The following CNTN3 variants were observed in gnomAD, a reference collection of about 807,000 sequenced individuals.
The protein encoded by CNTN3 is contactin 3.
Under a neutral mutation model 119.1 loss-of-function variants are expected in CNTN3, and 60 were observed. That is an observed-to-expected ratio of 0.50 (90% confidence interval 0.41 to 0.62). CNTN3 has a LOEUF of 0.62. Among genes scored for constraint, CNTN3 ranks in the 20% least tolerant of loss-of-function variants. The pLI is 0.00. For synonymous variants in CNTN3, 450 were observed against 438.7 expected (o/e 1.03, Z -0.32); for missense variants, 1,101 against 1,242.4 (o/e 0.89, Z 1.71).
At chr3:74,479,091 A>C (rs1702712514) in intron 4 of CNTN3, among the ~76,000 whole-genome samples, 1 of 152,070 alleles carries the variant, frequency 6.6e-6, no homozygotes, top group South Asian at 2.1e-4. Flanking sequence ...TGGGGGAGGG[A>C]GGAAGGGTTG....
At chr3:74,299,730 CCAG>C in intron 17 of CNTN3, 135 bp downstream of exon 17, 42 of 575,956 alleles carry the variant, frequency 7.3e-5, no homozygotes, top group Non-Finnish European at 9.3e-5. Context: ...TATATTACCA[CCAG>C]CAGCAGCAGC....
At chr3:74,310,959 C>A (rs573661524) in intron 13 of CNTN3, among the ~76,000 whole-genome samples, 1 of 152,154 alleles carries the variant, frequency 6.6e-6, no homozygotes, top group Non-Finnish European at 1.5e-5. Flanking sequence ...TCTTGGGATC[C>A]TCTTACAAGA....
intron 1 of CNTN3, among the ~76,000 whole-genome samples, chr3:74,523,801 G>A (rs1223266355): frequency 6.6e-6 from 1 of 151,778 alleles, no homozygotes; most frequent in Non-Finnish European, 1.5e-5. Context: ...ATTGTAATGG[G>A]AAAAGAGAAT....
chr3:74,521,251 AAG>A (rs1703538710), intron 1 of CNTN3, 59 bp from the exon 2 acceptor site: 1 of 436,560 alleles, frequency 2.3e-6, no homozygotes, highest in Admixed American at 4.4e-5. Flanking sequence ...TGCTTTAAAA[AAG>A]AGATTTTCTT....
At chr3:74,265,588 C>G (rs548039116) in intron 22 of CNTN3, among the ~76,000 whole-genome samples, 1 of 152,010 alleles carries the variant, frequency 6.6e-6, no homozygotes, top group Admixed American at 6.6e-5. Context: ...CTTAGTGTAG[C>G]TTTGTTTGTT....
intron 1 of CNTN3, among the ~76,000 whole-genome samples, chr3:74,603,865 T>TC (rs1482256312): frequency 6.6e-6 from 1 of 151,708 alleles, no homozygotes; most frequent in Non-Finnish European, 1.5e-5. Flanking sequence ...ACCAAAGCAA[T>TC]CTTGAGCAAA....
intron 4 of CNTN3, among the ~76,000 whole-genome samples, chr3:74,454,516 A>C (rs1702228559): frequency 6.6e-6 from 1 of 151,706 alleles, no homozygotes; most frequent in Non-Finnish European, 1.5e-5. Flanking sequence ...TTTACTTTTA[A>C]AGTTAATATT....
chr3:74,499,545 C>T (rs1360158434), intron 3 of CNTN3, 114 bp downstream of exon 3: 3 of 882,568 alleles, frequency 3.4e-6, no homozygotes, highest in Admixed American at 2.9e-5. Flanking sequence ...ACTATAGCTT[C>T]ACGTATTTTT....
At chr3:74,471,302 A>G (rs1702557422) in intron 4 of CNTN3, among the ~76,000 whole-genome samples, 2 of 152,134 alleles carry the variant, frequency 1.3e-5, no homozygotes, top group African/African-American at 4.8e-5. Context: ...ATGTAACAAT[A>G]CTGCATGTTC....
intron 1 of CNTN3, among the ~76,000 whole-genome samples, chr3:74,599,827 A>G (rs1007993595): frequency 7.2e-5 from 11 of 152,108 alleles, no homozygotes; most frequent in South Asian, 2.1e-4. Context: ...ATGACTCCCA[A>G]TGATTTCTCA....
intron 13 of CNTN3, among the ~76,000 whole-genome samples, chr3:74,315,216 G>A (rs13093384): frequency 0.21 from 31,197 of 152,174 alleles, 4,191 homozygotes; most frequent in Non-Finnish European, 0.3. Flanking sequence ...CCTAAGTTCT[G>A]AGGAGTTGCT....
At chr3:74,571,459 T>C (rs1185179322) in intron 1 of CNTN3, among the ~76,000 whole-genome samples, 1 of 152,122 alleles carries the variant, frequency 6.6e-6, no homozygotes, top group Non-Finnish European at 1.5e-5. Flanking sequence ...CTACCCCTCA[T>C]TGATTGTGGA....
rs868181687 is a variant in CNTN3, at chr3:74,371,298, C to T, written c.556G>A (p.Val186Met). The change falls in exon 6 of 23, where the codon GTG becomes ATG. Residue 186 changes from valine (V) to methionine (M), a missense_variant. Coordinates refer to ENST00000263665, the MANE Select transcript of CNTN3 (RefSeq NM_020872.3). ...TAATTTCCCACATCAGACGGCTCCA[C>T]CTTAGATATGTAGAGGTGCCCTGTC... ...QETGHLYISKVEPSDVGNYTC... is the reference protein window; with the variant it reads ...QETGHLYISKMEPSDVGNYTC... 1 of 1,613,418 alleles carries T rather than the reference C, an allele frequency of 6.2e-7. No individual in the cohort carries two copies. Among genetic ancestry groups the T allele is most frequent in the Middle Eastern group, 1.7e-4 (1 of 6,054 alleles).
chr3:74,269,522 TATTGC>T (rs1701727651), intron 20 of CNTN3, among the ~76,000 whole-genome samples: 1 of 152,176 alleles, frequency 6.6e-6, no homozygotes. Flanking sequence ...ATCCTCATTA[TATTGC>T]ATTGTAATAA....
intron 5 of CNTN3, among the ~76,000 whole-genome samples, chr3:74,411,809 TA>T (rs1246310001): frequency 6.6e-6 from 1 of 152,200 alleles, no homozygotes; most frequent in Non-Finnish European, 1.5e-5. Flanking sequence ...CTAACAATGT[TA>T]CTTAGCTGTG....
At chr3:74,293,106 G>A (rs1472191496) in intron 19 of CNTN3, among the ~76,000 whole-genome samples, 1 of 152,158 alleles carries the variant, frequency 6.6e-6, no homozygotes, top group Non-Finnish European at 1.5e-5. Context: ...AACTGTGCAG[G>A]AAGATGTTTC....
At chr3:74,355,944 T>C (rs1297085732) in intron 11 of CNTN3, among the ~76,000 whole-genome samples, 1 of 151,986 alleles carries the variant, frequency 6.6e-6, no homozygotes, top group Non-Finnish European at 1.5e-5. Flanking sequence ...CACCTTAAAA[T>C]GGAGGCCCAT....
At chr3:74,446,683 GTTT>G (rs10669743) in intron 4 of CNTN3, among the ~76,000 whole-genome samples, 1 of 136,950 alleles carries the variant, frequency 7.3e-6, no homozygotes, top group African/African-American at 2.7e-5. Flanking sequence ...AATTTTACTT[GTTT>G]TTTTTTTTTT....
At chr3:74,557,727 G>GAAA (rs5850189) in intron 1 of CNTN3, among the ~76,000 whole-genome samples, 193 of 136,946 alleles carry the variant, frequency 1.4e-3, no homozygotes, top group Admixed American at 2.8e-3. Flanking sequence ...AGCAACAGAT[G>GAAA]AAAAAAAAAA....
Sources: gnomAD v4.1 joint callset for allele counts (sites outside exome capture counted in the v4.1 genomes callset) on GRCh38, gnomAD v4.1.1 for gene constraint, MANE v1.5 for transcripts, NCBI Gene and HGNC (gene_info 2026-07-23, HGNC 2026-07-21) for gene names.